SMR3B: variants seen among roughly 807,000 people sequenced by gnomAD.
The protein encoded by SMR3B is submaxillary gland androgen-regulated protein 3B.
For synonymous variants in SMR3B, 42 were observed against 36.1 expected (o/e 1.16, Z -0.59); for missense variants, 114 against 99.9 (o/e 1.14, Z -0.60).
rs531219697 is a variant in SMR3B at position 70,384,098 on chromosome 4, C to T, written c.-14-399C>T. 5.9e-5 allele frequency among the ~76,000 whole-genome samples: 9 copies of T among 151,846 alleles called. No individual in the cohort carries two copies. In the South Asian group the frequency reaches 1.7e-3, roughly 28 times the overall value. On this transcript the variant is annotated intron_variant, in intron 1 of 2. Transcript: ENST00000304915. ...TAGTTAAAATGTTAATATCTCAAAC[C>T]CATCCATAGAAATCTATAATGTATC...
intron 2 of SMR3B, among the ~76,000 whole-genome samples, chr4:70,388,411 C>A (rs1350985754): frequency 6.6e-6 from 1 of 152,140 alleles, no homozygotes; most frequent in East Asian, 1.9e-4. Context: ...CCATGCCCAG[C>A]CTCAGCTATT....
In SMR3B at chr4:70,389,962, C is replaced by T. The variant is rs770468825; in HGVS notation, c.*114C>T. ...TAAATTCTCCAACTGATCCTACCCT[C>T]CCTACTCCTGCACCCCAAATATGAA... is the stretch of plus-strand genomic sequence containing the variant. On this transcript the variant is annotated 3_prime_UTR_variant, in exon 3 of 3. Transcript: ENST00000304915. 2 of 1,583,692 alleles carry T rather than the reference C, an allele frequency of 1.3e-6. No homozygotes were observed. Among genetic ancestry groups the T allele is most frequent in the Admixed American group, 3.3e-5 (2 of 59,976 alleles).
intron 2 of SMR3B, among the ~76,000 whole-genome samples, chr4:70,386,728 C>A (rs1477464715): frequency 1.3e-5 from 2 of 152,140 alleles, no homozygotes; most frequent in Admixed American, 6.5e-5. Flanking sequence ...ATATTAAGAT[C>A]AACATCAGGA....
rs1732736416 is a variant in SMR3B at position 70,390,035 on chromosome 4, G to A, written c.*187G>A. ...CACCACAAAAGACACCACTACCCTT[G>A]TAACTACTGCTTCTACTACCCAAAA... On this transcript the variant is annotated 3_prime_UTR_variant, in exon 3 of 3. Transcript: ENST00000304915. The A allele has an allele frequency of 8.6e-7, 1 of 1,161,694 alleles. No individual in the cohort carries two copies. Among genetic ancestry groups the A allele is most frequent in the Non-Finnish European group, 1.3e-6 (1 of 771,976 alleles). The allele number at this position is 1,161,694 out of a possible 1,614,324, so 72.0% of individuals were successfully genotyped here. A position where few individuals can be genotyped will look rare whatever the true frequency, so the allele number is the denominator to read the frequency against.
intron 2 of SMR3B, among the ~76,000 whole-genome samples, chr4:70,387,778 AG>A (rs1732690945): frequency 6.6e-6 from 1 of 152,178 alleles, no homozygotes; most frequent in Non-Finnish European, 1.5e-5. Flanking sequence ...GGAAAATTAC[AG>A]GCCTCTGGGG....
At chr4:70,384,757 T>G in intron 2 of SMR3B, 193 bp downstream of exon 2, 9 of 1,119,322 alleles carry the variant, frequency 8.0e-6, no homozygotes, top group Non-Finnish European at 1.1e-5. Context: ...ATGGCTGCCA[T>G]ACTGGACAGC....
Position 70,389,776 on chromosome 4 carries a change from A to G in SMR3B, c.168A>G (p.Pro56=), listed in dbSNP as rs751686768. The change falls in exon 3 of 3, where the codon CCA becomes CCG. Residue 56 remains proline (P), a synonymous_variant. Transcript: ENST00000304915. The stretch of plus-strand genomic sequence containing the variant: ...CACCTCCTCCTCCACCCTATGGTCC[A>G]GGGAGAATCCCACCTCCTCCTCCCG... ...VPPPPPPPYG[P]GRIPPPPPAP... is the part of the protein sequence containing the mutation. 6.4e-5 allele frequency: 103 copies of G among 1,613,808 alleles called. No homozygotes were observed. The highest frequency in any genetic ancestry group is 8.3e-5 in the Non-Finnish European group (98 of 1,179,952).
At chr4:70,384,757 T>C in intron 2 of SMR3B, 193 bp downstream of exon 2, 1 of 1,119,330 alleles carries the variant, frequency 8.9e-7, no homozygotes, top group Non-Finnish European at 1.2e-6. Flanking sequence ...ATGGCTGCCA[T>C]ACTGGACAGC....
At chr4:70,386,969 C>T (rs1435712025) in intron 2 of SMR3B, among the ~76,000 whole-genome samples, 1 of 152,164 alleles carries the variant, frequency 6.6e-6, no homozygotes, top group Non-Finnish European at 1.5e-5. Flanking sequence ...GCCAGTTCTA[C>T]AGAAGTGCCT....
intron 2 of SMR3B, 176 bp downstream of exon 2, chr4:70,384,740 A>G (rs1732629382): frequency 2.0e-6 from 2 of 989,062 alleles, no homozygotes; most frequent in South Asian, 1.7e-5. Flanking sequence ...ATAACCACAC[A>G]TGTCTGATGG....
At chr4:70,386,168 G>C (rs1379716304) in intron 2 of SMR3B, among the ~76,000 whole-genome samples, 1 of 151,296 alleles carries the variant, frequency 6.6e-6, no homozygotes. Context: ...AGCTACTCCA[G>C]AGGCTGAGGC....
rs114047538 is a variant in SMR3B at position 70,384,082 on chromosome 4, T to C, written c.-14-415T>C. 4.0e-3 allele frequency among the ~76,000 whole-genome samples: 613 copies of C among 152,098 alleles called. 2 individuals are homozygous for C. The highest frequency in any genetic ancestry group is 7.4e-3 in the Non-Finnish European group (506 of 67,992). On this transcript the variant is annotated intron_variant, in intron 1 of 2. Coordinates refer to ENST00000304915, the MANE Select transcript of SMR3B (RefSeq NM_006685.4). ...TTTGTAACATAAGATCTAGTTAAAATGTTAATATCTCAAACCCATCCATAG... is the reference window on the plus strand; with the variant it reads ...TTTGTAACATAAGATCTAGTTAAAACGTTAATATCTCAAACCCATCCATAG...
At position 70,389,697 on chromosome 4, in the gene SMR3B, A is replaced by G. The variant is rs932432015; in HGVS notation, c.89A>G (p.Tyr30Cys). 8 of 1,614,066 alleles carry G rather than the reference A, an allele frequency of 5.0e-6. No individual in the cohort carries two copies. The highest frequency in any genetic ancestry group is 6.8e-6 in the Non-Finnish European group (8 of 1,179,996). Residue 30 changes from tyrosine (Y) to cysteine (C), a missense_variant, in exon 3 of 3, where the codon TAT becomes TGT. Transcript: ENST00000304915. ...AGTCAAAGAGGCCCCAGGGGACCAT[A>G]TCCACCTGGACCGCTGGCTCCTCCT... The part of the protein sequence containing the change: ...GESQRGPRGP[Y>C]PPGPLAPPQP...
intron 2 of SMR3B, 142 bp downstream of exon 2, chr4:70,384,706 A>G: frequency 6.9e-7 from 1 of 1,455,494 alleles, no homozygotes; most frequent in South Asian, 1.4e-5. Context: ...TAGGGCTTAA[A>G]TTTAAATTTA....
At chr4:70,388,285 T>A (rs201888264) in intron 2 of SMR3B, among the ~76,000 whole-genome samples, 1 of 150,004 alleles carries the variant, frequency 6.7e-6, no homozygotes. Flanking sequence ...TTTTTTTTTA[T>A]TTTTTAAAAT....
At chr4:70,386,658 C>A (rs1047363325) in intron 2 of SMR3B, among the ~76,000 whole-genome samples, 1 of 151,938 alleles carries the variant, frequency 6.6e-6, no homozygotes, top group Non-Finnish European at 1.5e-5. Context: ...TAGCCAGTTG[C>A]GGAAAGGGAG....
In SMR3B at chr4:70,389,934, CT is replaced by C. The variant is rs762313051; in HGVS notation, c.*87del. 3.7e-6 allele frequency: 6 copies of C among 1,601,670 alleles called. No individual in the cohort carries two copies. The African/African-American group carries it at 4.0e-5, about 11-fold the overall frequency. On this transcript the variant is annotated 3_prime_UTR_variant, in exon 3 of 3. Coordinates refer to ENST00000304915, the MANE Select transcript of SMR3B (RefSeq NM_006685.4). ...TATCCACCTGGACCTCCATTTTTCC[CT>C]GTAAATTCTCCAACTGATCCTACCC...
chr4:70,389,455 C>A (rs1732720306), intron 2 of SMR3B, among the ~76,000 whole-genome samples: 3 of 152,122 alleles, frequency 2.0e-5, no homozygotes. Context: ...ACATTTACTG[C>A]AGCTTCAAAT....
In SMR3B at chr4:70,390,050, A is replaced by G. The variant is rs3733493; in HGVS notation, c.*202A>G. 0.67 allele frequency: 691,246 copies of G among 1,032,178 alleles called. 232,643 individuals carry two copies. Among genetic ancestry groups the G allele is most frequent in the African/African-American group, 0.77 (48,695 of 63,618 alleles). The allele number at this position is 1,032,178 out of a possible 1,614,324, so 63.9% of individuals were successfully genotyped here. A position where few individuals can be genotyped will look rare whatever the true frequency, so the allele number is the denominator to read the frequency against. On this transcript the variant is annotated 3_prime_UTR_variant, in exon 3 of 3. Transcript: ENST00000304915. ...CACTACCCTTGTAACTACTGCTTCT[A>G]CTACCCAAAATATGAATTCCAACAC...
Sources: gnomAD v4.1 joint callset for allele counts (sites outside exome capture counted in the v4.1 genomes callset) on GRCh38, gnomAD v4.1.1 for gene constraint, MANE v1.5 for transcripts, NCBI Gene and HGNC (gene_info 2026-07-23, HGNC 2026-07-21) for gene names.